The following PDE1C variants were observed in gnomAD, a reference collection of about 807,000 sequenced individuals.
PDE1C encodes the protein phosphodiesterase 1C.
Under a neutral mutation model 93.1 loss-of-function variants are expected in PDE1C, and 62 were observed. That is an observed-to-expected ratio of 0.67 (90% CI 0.54 to 0.82). PDE1C has a LOEUF of 0.82. PDE1C is among the 40% of genes least tolerant of loss of function. The pLI, the probability that PDE1C is intolerant of heterozygous loss-of-function variation, is 0.00. For synonymous variants in PDE1C, 325 were observed against 310.1 expected, an observed-to-expected ratio of 1.05 and a Z score of -0.50; for missense variants, 742 against 884.6, an observed-to-expected ratio of 0.84 and a Z score of 2.04.
chr7:32,236,299 A>T (rs916372457), intron 1 of PDE1C, among the ~76,000 whole-genome samples: 1 of 152,178 alleles, frequency 6.6e-6, no homozygotes, highest in African/African-American at 2.4e-5. Context: ...AAAAGAAAAA[A>T]ATAAACTAGA....
intron 3 of PDE1C, among the ~76,000 whole-genome samples, chr7:32,105,701 CTTTT>C (rs11313586): frequency 7.5e-6 from 1 of 134,022 alleles, no homozygotes. Flanking sequence ...CCACATCTGA[CTTTT>C]TTTTTTTTTT....
the PDE1C span, among the ~76,000 whole-genome samples, chr7:31,630,306 G>A: frequency 6.7e-6 from 1 of 149,686 alleles, no homozygotes; most frequent in Non-Finnish European, 1.5e-5. Flanking sequence ...AATATTGAGT[G>A]CCAGGAACTA....
the PDE1C span, among the ~76,000 whole-genome samples, chr7:31,733,234 C>T: frequency 6.6e-6 from 1 of 152,162 alleles, no homozygotes; most frequent in African/African-American, 2.4e-5. Context: ...ATCTGCGGCC[C>T]ATGATTGAGG....
At chr7:32,326,343 A>G (rs568647849) in intron 1 of PDE1C, among the ~76,000 whole-genome samples, 1 of 152,224 alleles carries the variant, frequency 6.6e-6, no homozygotes, top group Non-Finnish European at 1.5e-5. Context: ...TTTTAAAGCC[A>G]TGATACTGAA....
intron 6 of PDE1C, among the ~76,000 whole-genome samples, chr7:31,868,903 A>G (rs1490826587): frequency 7.1e-6 from 1 of 141,272 alleles, no homozygotes; most frequent in Admixed American, 6.9e-5. Context: ...GTCCTAAAAG[A>G]AAAAAAAAAA....
chr7:31,765,012 A>G (rs1020194660), intron 17 of PDE1C, among the ~76,000 whole-genome samples: 1 of 152,226 alleles, frequency 6.6e-6, no homozygotes, highest in Non-Finnish European at 1.5e-5. Context: ...TTGCTTGAGA[A>G]GAATGTCAAC....
intron 3 of PDE1C, among the ~76,000 whole-genome samples, chr7:32,112,452 A>T (rs1798694249): frequency 6.6e-6 from 1 of 151,966 alleles, no homozygotes; most frequent in Non-Finnish European, 1.5e-5. Context: ...ACCTAATTTT[A>T]GTTTTCTTTT....
intron 3 of PDE1C, among the ~76,000 whole-genome samples, chr7:32,140,357 C>T (rs956510216): frequency 2.3e-4 from 35 of 152,256 alleles, no homozygotes; most frequent in Admixed American, 5.2e-4. Context: ...CTCTTAGAAC[C>T]GTATGTCACA....
intron 2 of PDE1C, among the ~76,000 whole-genome samples, chr7:31,968,626 A>C (rs1432611709): frequency 1.3e-4 from 19 of 151,434 alleles, no homozygotes; most frequent in African/African-American, 2.7e-4. Flanking sequence ...GTTCATATGG[A>C]ACCAAAAAAG....
In PDE1C at chr7:32,377,088, C is replaced by T. The variant is rs182513929; in HGVS notation, c.310+50734G>A. Among the ~76,000 whole-genome samples, 511 of 152,242 alleles carry T rather than the reference C, an allele frequency of 3.4e-3. 4 individuals are homozygous for T. Among genetic ancestry groups the T allele is most frequent in the African/African-American group, 0.012 (490 of 41,534 alleles). ...CACTGTGTTCTCTGCTGTAGCCATTCCCTCCCTCCCTTGTTCTACTCCCCA... is the reference window on the plus strand; with the variant it reads ...CACTGTGTTCTCTGCTGTAGCCATTTCCTCCCTCCCTTGTTCTACTCCCCA... On this transcript the variant is annotated intron_variant, in intron 1 of 1. Transcript: ENST00000672256.
intron 2 of PDE1C, among the ~76,000 whole-genome samples, chr7:31,932,285 A>G (rs1563056980): frequency 1.3e-5 from 2 of 151,578 alleles, no homozygotes; most frequent in Non-Finnish European, 2.9e-5. Flanking sequence ...CAGACAACCT[A>G]CAGAATGGGA....
At chr7:32,299,580 T>C (rs1267148174), upstream of PDE1C, among the ~76,000 whole-genome samples, 1 of 152,218 alleles carries the variant, frequency 6.6e-6, no homozygotes, top group Admixed American at 6.5e-5. Flanking sequence ...GTGGAAGATA[T>C]CTTACCAATC....
At chr7:32,108,008 C>A in intron 3 of PDE1C, among the ~76,000 whole-genome samples, 1 of 150,260 alleles carries the variant, frequency 6.7e-6, no homozygotes, top group African/African-American at 2.4e-5. Flanking sequence ...AATTAATATA[C>A]TAAGATAAAA....
At chr7:31,925,646 C>T (rs1485935724) in intron 2 of PDE1C, among the ~76,000 whole-genome samples, 2 of 152,026 alleles carry the variant, frequency 1.3e-5, no homozygotes, top group Admixed American at 1.3e-4. Flanking sequence ...GGAAGGGAGA[C>T]AATTTGCATC....
At chr7:32,113,587 C>T (rs1344210180) in intron 3 of PDE1C, among the ~76,000 whole-genome samples, 2 of 151,388 alleles carry the variant, frequency 1.3e-5, no homozygotes, top group African/African-American at 2.4e-5. Flanking sequence ...AATACTGAAC[C>T]ATCTTTGAAT....
intron 1 of PDE1C, among the ~76,000 whole-genome samples, chr7:32,222,800 CTG>C (rs762558528): frequency 1.3e-5 from 2 of 152,194 alleles, no homozygotes; most frequent in African/African-American, 2.4e-5. Context: ...CAAAGCAGAA[CTG>C]TCTGTTTCTC....
chr7:32,207,035 G>T (rs1211711292), intron 2 of PDE1C, among the ~76,000 whole-genome samples: 2 of 152,166 alleles, frequency 1.3e-5, no homozygotes, highest in Admixed American at 6.5e-5. Context: ...CTAGGCAGAT[G>T]CTCTAACTGA....
intron 3 of PDE1C, among the ~76,000 whole-genome samples, chr7:32,080,508 A>G (rs1796599585): frequency 2.0e-5 from 3 of 152,194 alleles, no homozygotes; most frequent in African/African-American, 7.2e-5. Flanking sequence ...AAACGCAAAA[A>G]GCACTGACCA....
the PDE1C span, among the ~76,000 whole-genome samples, chr7:31,629,631 A>G: frequency 6.6e-6 from 1 of 152,260 alleles, no homozygotes; most frequent in South Asian, 2.1e-4. Context: ...TACAATGGTC[A>G]GACCATGGGT....
Sources: gnomAD v4.1 joint callset for allele counts (sites outside exome capture counted in the v4.1 genomes callset) on GRCh38, gnomAD v4.1.1 for gene constraint, MANE v1.5 for transcripts, NCBI Gene and HGNC (gene_info 2026-07-23, HGNC 2026-07-21) for gene names.